MRPL30: variants seen among roughly 807,000 people sequenced by gnomAD.
MRPL30 encodes mitochondrial ribosomal protein L30.
In MRPL30, 10 loss-of-function variants were observed where a neutral mutation model predicts 17.2. That is an observed-to-expected ratio of 0.58 (90% CI 0.36 to 0.99). The LOEUF (loss-of-function observed/expected upper bound fraction) is 0.99. MRPL30 is among the 50% of genes least tolerant of loss of function. The pLI is 0.01. For missense variants in MRPL30, 170 were observed against 189.8 expected (o/e 0.90, Z 0.61); for synonymous variants, 61 against 62.1 (o/e 0.98, Z 0.08).
chr2:99,193,131 AAAAC>A lies in MRPL30; in HGVS notation c.133-1613_133-1610del, dbSNP rs2093949690. On this transcript the variant is annotated intron_variant, in intron 3 of 5. Coordinates refer to ENST00000338148, the MANE Select transcript of MRPL30 (RefSeq NM_145212.4). ...ACAAGGAACTTAAATTTACAAGAAA[AAAAC>A]AAACAATCCCATCAAAAAGTGGGCA... Among the ~76,000 whole-genome samples the A allele has an allele frequency of 3.3e-5, 5 of 152,338 alleles. No individual in the cohort carries two copies. The South Asian group carries it at 6.2e-4, about 19-fold the overall frequency.
chr2:99,196,085 GA>G lies in MRPL30; in HGVS notation c.*391del, dbSNP rs201869282. On this transcript the variant is annotated 3_prime_UTR_variant, in exon 6 of 6. Transcript: ENST00000338148. Reference sequence around the variant, plus strand: ...GATAGGATGAGACTCCATCTCAGGGGAAAAAAAAAAATTTTTTTTTCACTGA... The same window carrying G: ...GATAGGATGAGACTCCATCTCAGGGGAAAAAAAAAATTTTTTTTTCACTGA... 3.9e-3 allele frequency: 685 copies of G among 174,310 alleles called. No individual in the cohort carries two copies. The highest frequency in any genetic ancestry group is 0.011 in the South Asian group (104 of 9,130). 10.8% of individuals were successfully genotyped at this position (174,310 alleles called of 1,614,324 possible).
rs542451852 is a variant in MRPL30, at chr2:99,190,760, G to A, written c.132+2503G>A. On this transcript the variant is annotated intron_variant, in intron 3 of 5. Coordinates refer to ENST00000338148, the MANE Select transcript of MRPL30 (RefSeq NM_145212.4). ...ACACACACTGGGGCCTGTAGGGGGCGAGTGGAGGGAGACCACCAGGAAAAA... is the reference window on the plus strand; with the variant it reads ...ACACACACTGGGGCCTGTAGGGGGCAAGTGGAGGGAGACCACCAGGAAAAA... Among the ~76,000 whole-genome samples, 23 of 152,244 alleles carry A rather than the reference G, an allele frequency of 1.5e-4. No homozygotes were observed. The South Asian group carries it at 4.1e-3, about 27-fold the overall frequency.
chr2:99,182,751 T>A (rs890715838), intron 1 of MRPL30, among the ~76,000 whole-genome samples: 1 of 152,232 alleles, frequency 6.6e-6, no homozygotes, highest in South Asian at 2.1e-4. Flanking sequence ...AAACTTCAGT[T>A]ATTCTGCAAA....
chr2:99,188,330 A>G, intron 3 of MRPL30, 73 bp downstream of exon 3: 1 of 1,118,432 alleles, frequency 8.9e-7, no homozygotes, highest in Non-Finnish European at 1.3e-6. Flanking sequence ...CCGTTTTTGT[A>G]ATATTGGAAG....
Position 99,198,320 on chromosome 2 carries a change from A to G in MRPL30, c.*2615A>G, listed in dbSNP as rs1032104795. On this transcript the variant is annotated 3_prime_UTR_variant, in exon 6 of 6. Transcript: ENST00000338148. ...ACGTGTCTGGCCAGGTGCTCATTGT[A>G]GCTTTGACAGGGAAGGGATCTGCTC... Among the ~76,000 whole-genome samples, 2 of 152,156 alleles carry G rather than the reference A, an allele frequency of 1.3e-5. No individual in the cohort carries two copies. Among genetic ancestry groups the G allele is most frequent in the African/African-American group, 2.4e-5 (1 of 41,424 alleles).
rs773756100 is a variant in MRPL30 at position 99,188,190 on chromosome 2, G to A, written c.65G>A (p.Gly22Asp). 2 of 1,599,654 alleles carry A rather than the reference G, an allele frequency of 1.3e-6. No individual in the cohort carries two copies. Among genetic ancestry groups the A allele is most frequent in the Non-Finnish European group, 1.7e-6 (2 of 1,174,412 alleles). ...ATCATATTTTAGACTGTGACAAAAG[G>A]TGTGGAGTCTCTTATTTGTACAGAT... is the stretch of plus-strand genomic sequence containing the variant. Reference protein sequence around the residue: ...PPGRLQTVTKGVESLICTDWI... With the variant: ...PPGRLQTVTKDVESLICTDWI... Residue 22 changes from glycine to aspartate, a missense_variant, in exon 3 of 6, where the codon GGT (glycine) becomes GAT (aspartate). Coordinates refer to ENST00000338148, the MANE Select transcript of MRPL30 (RefSeq NM_145212.4).
At chr2:99,191,746 T>C (rs2093946459) in intron 3 of MRPL30, among the ~76,000 whole-genome samples, 1 of 152,240 alleles carries the variant, frequency 6.6e-6, no homozygotes, top group Admixed American at 6.5e-5. Context: ...CATAGAAACA[T>C]GGTCCTATTG....
Position 99,194,742 on chromosome 2 carries a change from C to G in MRPL30, c.133-9C>G, listed in dbSNP as rs746631196. The G allele has an allele frequency of 6.4e-7, 1 of 1,565,768 alleles. No homozygotes were observed. Among genetic ancestry groups the G allele is most frequent in the Non-Finnish European group, 8.6e-7 (1 of 1,166,496 alleles). ...GGAAATTTACCATTTATAATTCTTTCCTTTCTAGGTGTTTCAGGCCTCACC... is the reference window on the plus strand; with the variant it reads ...GGAAATTTACCATTTATAATTCTTTGCTTTCTAGGTGTTTCAGGCCTCACC... On this transcript the variant is annotated splice_polypyrimidine_tract_variant and intron_variant, in intron 3 of 5. Coordinates refer to ENST00000338148, the MANE Select transcript of MRPL30 (RefSeq NM_145212.4).
At chr2:99,183,046 G>A (rs957815502) in intron 1 of MRPL30, among the ~76,000 whole-genome samples, 1 of 152,162 alleles carries the variant, frequency 6.6e-6, no homozygotes, top group South Asian at 2.1e-4. Context: ...CATTGAAAAG[G>A]TGAGATTTGA....
At chr2:99,184,736 C>T (rs2093931179) in intron 1 of MRPL30, among the ~76,000 whole-genome samples, 2 of 152,116 alleles carry the variant, frequency 1.3e-5, no homozygotes, top group African/African-American at 2.4e-5. Context: ...AACCTTGATA[C>T]GAGGAAGTCT....
At chr2:99,187,852 A>C (rs1409074085) in intron 2 of MRPL30, among the ~76,000 whole-genome samples, 1 of 151,950 alleles carries the variant, frequency 6.6e-6, no homozygotes, top group East Asian at 1.9e-4. Context: ...AAAAGTTTGC[A>C]TATTGTCTGA....
chr2:99,188,433 GT>G (rs1467585544), intron 3 of MRPL30, among the ~76,000 whole-genome samples, 176 bp downstream of exon 3: 1 of 152,100 alleles, frequency 6.6e-6, no homozygotes, highest in African/African-American at 2.4e-5. Context: ...AAATAAAACT[GT>G]TCTGTCACTT....
chr2:99,186,110 G>A, intron 1 of MRPL30, 67 bp from the exon 2 acceptor site: 1 of 1,074,628 alleles, frequency 9.3e-7, no homozygotes, highest in Non-Finnish European at 1.4e-6. Context: ...TTTAATACTA[G>A]AGAAGGGGAA....
At chr2:99,192,946 G>A (rs1227087725) in intron 3 of MRPL30, among the ~76,000 whole-genome samples, 2 of 152,166 alleles carry the variant, frequency 1.3e-5, no homozygotes, top group Non-Finnish European at 2.9e-5. Context: ...AACACCAAAA[G>A]CAATTGCAAC....
chr2:99,189,375 T>A (rs2093940132), intron 3 of MRPL30, among the ~76,000 whole-genome samples: 1 of 152,270 alleles, frequency 6.6e-6, no homozygotes, highest in South Asian at 2.1e-4. Context: ...TAGAATGTAA[T>A]ATAGCTGAAA....
chr2:99,194,120 A>G (rs1308862531), intron 3 of MRPL30, among the ~76,000 whole-genome samples: 1 of 152,086 alleles, frequency 6.6e-6, no homozygotes, highest in Non-Finnish European at 1.5e-5. Context: ...TGGATGCATC[A>G]TAATGTAGTT....
intron 1 of MRPL30, among the ~76,000 whole-genome samples, chr2:99,181,832 G>A (rs949186610): frequency 3.3e-5 from 5 of 152,188 alleles, no homozygotes; most frequent in African/African-American, 1.2e-4. Context: ...GTTCAGAGAA[G>A]AGACACGCTT....
chr2:99,187,878 G>A (rs2093936653), intron 2 of MRPL30, among the ~76,000 whole-genome samples: 1 of 152,176 alleles, frequency 6.6e-6, no homozygotes, highest in South Asian at 2.1e-4. Flanking sequence ...TTTACCCTGT[G>A]ATGGCCAAGC....
Position 99,188,215 on chromosome 2 carries a change from T to G in MRPL30, c.90T>G (p.Asp30Glu). 1.2e-6 allele frequency: 2 copies of G among 1,607,894 alleles called. No individual in the cohort carries two copies. The highest frequency in any genetic ancestry group is 1.7e-6 in the Non-Finnish European group (2 of 1,178,114). The change falls in exon 3 of 6, where the codon GAT becomes GAG. Residue 30 changes from aspartate (D) to glutamate (E), a missense_variant. Coordinates refer to ENST00000338148, the MANE Select transcript of MRPL30 (RefSeq NM_145212.4). The part of the protein sequence containing the change: ...TKGVESLICT[D>E]WIRHKFTRSR... The stretch of plus-strand genomic sequence containing the variant: ...GTGTGGAGTCTCTTATTTGTACAGA[T>G]TGGATTCGTCACAAATTCACCAGAT...
Sources: allele counts gnomAD v4.1 joint callset (sites outside exome capture counted in the v4.1 genomes callset), GRCh38; gene constraint gnomAD v4.1.1; transcripts MANE v1.5; gene names NCBI Gene and HGNC (gene_info 2026-07-23, HGNC 2026-07-21).